LRRTM4: variants seen among roughly 807,000 people sequenced by gnomAD.
LRRTM4 encodes the protein leucine-rich repeat transmembrane neuronal protein 4.
A neutral mutation model predicts 47.6 loss-of-function variants in LRRTM4; 25 were observed. The ratio of observed to expected loss-of-function variants is 0.53; its 90% CI spans 0.38 to 0.73. The LOEUF (loss-of-function observed/expected upper bound fraction) is 0.73. Ranked by LOEUF, LRRTM4 falls within the 30% of genes least tolerant of loss-of-function variation. The pLI is 0.00. For missense variants in LRRTM4, 638 were observed against 713.4 expected (o/e 0.89, Z 1.20); for synonymous variants, 311 against 269.5 (o/e 1.15, Z -1.51).
chr2:77,090,313 C>T (rs1670566391), intron 3 of LRRTM4, among the ~76,000 whole-genome samples: 1 of 152,080 alleles, frequency 6.6e-6, no homozygotes, highest in Non-Finnish European at 1.5e-5. Flanking sequence ...TATAAAAATC[C>T]AGCCCAGTTC....
intron 3 of LRRTM4, among the ~76,000 whole-genome samples, chr2:76,948,773 T>A (rs1046639105): frequency 6.6e-5 from 10 of 151,912 alleles, no homozygotes; most frequent in African/African-American, 2.4e-4. Context: ...ATAGTTTTAA[T>A]CTTACTACAT....
In LRRTM4 at chr2:77,478,051, C is replaced by T. The variant is rs188565902; in HGVS notation, c.1551+40267G>A. On this transcript the variant is annotated intron_variant, in intron 3 of 3. Transcript: ENST00000409884. ...GTCAGGCTCATAGTTTTCCAGTATC[C>T]TCTTCAAGGCTACATATATTCTAAA... Among the ~76,000 whole-genome samples, 406 of 151,998 alleles carry T rather than the reference C, an allele frequency of 2.7e-3. 5 individuals carry two copies. The South Asian group carries it at 0.027, about 10-fold the overall frequency.
At position 77,156,204 on chromosome 2, in the gene LRRTM4, G is replaced by C. The variant is rs565443760; in HGVS notation, c.1551+362114C>G. Among the ~76,000 whole-genome samples the C allele has an allele frequency of 2.6e-5, 4 of 151,768 alleles. 1 individual carries two copies. Among genetic ancestry groups the C allele is most frequent in the Middle Eastern group, 3.4e-3 (1 of 294 alleles). On this transcript the variant is annotated intron_variant, in intron 3 of 3. Transcript: ENST00000409884. The stretch of plus-strand genomic sequence containing the variant: ...TAAACACCATGAAAACTCTAAGAGA[G>C]AGTATATTTACTATTTAGCAAATAG...
chr2:77,007,040 CTTT>C (rs1222095324), intron 3 of LRRTM4, among the ~76,000 whole-genome samples: 1 of 151,716 alleles, frequency 6.6e-6, no homozygotes, highest in African/African-American at 2.4e-5. Flanking sequence ...TGTTTTTGTT[CTTT>C]ATTGTATGAA....
At chr2:77,235,026 T>TAAAA (rs1421573251) in intron 3 of LRRTM4, among the ~76,000 whole-genome samples, 1 of 152,182 alleles carries the variant, frequency 6.6e-6, no homozygotes, top group Non-Finnish European at 1.5e-5. Flanking sequence ...AATAATGGCC[T>TAAAA]TCAGCTGCAT....
At chr2:77,170,675 T>C (rs976093929) in intron 3 of LRRTM4, among the ~76,000 whole-genome samples, 1 of 152,190 alleles carries the variant, frequency 6.6e-6, no homozygotes, top group Non-Finnish European at 1.5e-5. Flanking sequence ...AAAGCATCTT[T>C]AAACTTCTGT....
intron 3 of LRRTM4, among the ~76,000 whole-genome samples, chr2:76,753,075 A>G (rs1672905566): frequency 6.6e-6 from 1 of 152,226 alleles, no homozygotes; most frequent in Admixed American, 6.5e-5. Flanking sequence ...ACTCTGAAGT[A>G]TATGAGCACT....
intron 3 of LRRTM4, among the ~76,000 whole-genome samples, chr2:77,380,207 T>C (rs1426325999): frequency 6.6e-6 from 1 of 152,174 alleles, no homozygotes. Context: ...TATTAAATTT[T>C]CAAAGATTTT....
At chr2:77,218,026 G>A (rs1674508463) in intron 3 of LRRTM4, among the ~76,000 whole-genome samples, 1 of 151,258 alleles carries the variant, frequency 6.6e-6, no homozygotes, top group Admixed American at 6.6e-5. Flanking sequence ...CACTCTTATT[G>A]CCCTATTGCC....
At chr2:76,762,337 C>T (rs1296159138) in intron 3 of LRRTM4, among the ~76,000 whole-genome samples, 2 of 152,144 alleles carry the variant, frequency 1.3e-5, no homozygotes, top group Non-Finnish European at 2.9e-5. Flanking sequence ...ATAAGCTCTT[C>T]TGGGCATCTA....
intron 3 of LRRTM4, among the ~76,000 whole-genome samples, chr2:77,075,733 G>C (rs1263438249): frequency 1.3e-5 from 2 of 150,588 alleles, no homozygotes; most frequent in Non-Finnish European, 2.9e-5. Context: ...GGCTAACAAG[G>C]TGAAACCCCG....
At chr2:77,476,566 A>G (rs1677395758) in intron 3 of LRRTM4, among the ~76,000 whole-genome samples, 1 of 152,148 alleles carries the variant, frequency 6.6e-6, no homozygotes, top group South Asian at 2.1e-4. Context: ...AAGAGTAGAA[A>G]CTACGAATTG....
chr2:77,115,075 C>A (rs1336269080), intron 3 of LRRTM4, among the ~76,000 whole-genome samples: 1 of 152,114 alleles, frequency 6.6e-6, no homozygotes, highest in Non-Finnish European at 1.5e-5. Flanking sequence ...AAGACAGACA[C>A]TCCCAGAGCA....
At chr2:76,749,890 A>G (rs554881093) in intron 3 of LRRTM4, among the ~76,000 whole-genome samples, 1 of 152,216 alleles carries the variant, frequency 6.6e-6, no homozygotes, top group Admixed American at 6.5e-5. Context: ...CACAGATGAG[A>G]AAAGTGCAAA....
chr2:77,246,331 C>T (rs1675444981), intron 3 of LRRTM4, among the ~76,000 whole-genome samples: 1 of 152,122 alleles, frequency 6.6e-6, no homozygotes, highest in African/African-American at 2.4e-5. Context: ...TGAAATTACT[C>T]AGAAGGCATG....
intron 3 of LRRTM4, among the ~76,000 whole-genome samples, chr2:77,343,711 G>A (rs1671458837): frequency 6.6e-6 from 1 of 151,834 alleles, no homozygotes; most frequent in African/African-American, 2.4e-5. Context: ...ATTTACTGTT[G>A]TGAAAAGCTG....
intron 3 of LRRTM4, among the ~76,000 whole-genome samples, chr2:77,223,220 G>C (rs1200534264): frequency 6.6e-6 from 1 of 152,032 alleles, no homozygotes; most frequent in Admixed American, 6.6e-5. Flanking sequence ...AAAAATATAA[G>C]AGTTATCTAT....
At chr2:77,358,222 C>T (rs7600171) in intron 3 of LRRTM4, among the ~76,000 whole-genome samples, 10,314 of 152,182 alleles carry the variant, frequency 0.068, 505 homozygotes, top group East Asian at 0.17. Context: ...GTTCTGCAGA[C>T]GGTATGAGAA....
chr2:77,481,752 A>G (rs181040901), intron 3 of LRRTM4, among the ~76,000 whole-genome samples: 2 of 152,334 alleles, frequency 1.3e-5, no homozygotes, highest in African/African-American at 4.8e-5. Flanking sequence ...ATCTATGGAT[A>G]CATAAAATAG....
Sources: gnomAD v4.1 joint callset for allele counts (sites outside exome capture counted in the v4.1 genomes callset) on GRCh38, gnomAD v4.1.1 for gene constraint, MANE v1.5 for transcripts, NCBI Gene and HGNC (gene_info 2026-07-23, HGNC 2026-07-21) for gene names.